The following C11orf98 variants were observed in gnomAD, a reference collection of about 807,000 sequenced individuals.
C11orf98 encodes 28S rRNA/ribosome and sororin micro-cofactor.
Under a neutral mutation model 10.9 loss-of-function variants are expected in C11orf98, and 7 were observed. The observed-to-expected ratio is 0.64, with a 90% CI of 0.37 to 1.21. The LOEUF (loss-of-function observed/expected upper bound fraction) is 1.21. Ranked by LOEUF, C11orf98 falls within the 50% of genes most tolerant of loss-of-function variation. C11orf98 has a pLI of 0.02. For missense variants in C11orf98, 181 were observed against 153.7 expected (o/e 1.18, Z -0.94); for synonymous variants, 70 against 57.2 (o/e 1.22, Z -1.01).
At position 62,665,122 on chromosome 11, in the gene C11orf98, C is replaced by T; in HGVS notation, c.39+9G>A. ...TGAGGAAACAAAGTCGCGGCCCCCA[C>T]ACAGTCACCGTTCGGGGCCGGTTGA... On this transcript the variant is annotated intron_variant, in intron 1 of 3. Coordinates refer to ENST00000524958, the MANE Select transcript of C11orf98 (RefSeq NM_001286086.2). 1 of 1,186,984 alleles carries T rather than the reference C, an allele frequency of 8.4e-7. No homozygotes were observed. The highest frequency in any genetic ancestry group is 1.2e-6 in the Non-Finnish European group (1 of 827,920). 73.5% of individuals were successfully genotyped at this position (1,186,984 alleles called of 1,614,324 possible).
Position 62,665,070 on chromosome 11 carries a change from T to C in C11orf98, c.39+61A>G, listed in dbSNP as rs1417692508. On this transcript the variant is annotated intron_variant, in intron 1 of 3. Transcript: ENST00000524958. ...CCGGCCCCTCACTGATCCCATCTCG[T>C]GCGAGATAAAAGGGCTCAGGAACGC... 3 of 1,552,184 alleles carry C rather than the reference T, an allele frequency of 1.9e-6. No individual in the cohort carries two copies. In the African/African-American group the frequency reaches 4.1e-5, roughly 21 times the overall value.
Position 62,664,936 on chromosome 11 carries a change from A to G in C11orf98, c.77T>C (p.Leu26Ser). The change falls in exon 2 of 4, where the codon TTG (leucine) becomes TCG (serine). Residue 26 changes from leucine (L) to serine (S), a missense_variant. Physicochemically the swap from Leu to Ser is moderately radical, Grantham distance 145. Transcript: ENST00000524958. Reference protein sequence around the residue: ...KKKLFKRRRVLNRERRLRHRV... With the variant: ...KKKLFKRRRVSNRERRLRHRV... ...GTGCCTCAGACGCCGCTCCCGATTC[A>G]ACACCCGCCGGCGTTTGAACAGCTT... is the stretch of plus-strand genomic sequence containing the variant. The G allele has an allele frequency of 6.2e-7, 1 of 1,608,672 alleles. No homozygotes were observed. The highest frequency in any genetic ancestry group is 1.3e-5 in the African/African-American group (1 of 74,940).
chr11:62,662,985 G>C lies in C11orf98; in HGVS notation c.*65C>G. On this transcript the variant is annotated 3_prime_UTR_variant, in exon 4 of 4. Transcript: ENST00000524958. ...GAAAAGGGGCCTTGCTTTTGTCAAA[G>C]TCCTCTGAAACAACCACTGAGTCTG... The C allele has an allele frequency of 1.5e-6, 2 of 1,299,412 alleles. No individual in the cohort carries two copies. The highest frequency in any genetic ancestry group is 2.2e-6 in the Non-Finnish European group (2 of 928,144). The allele number at this position is 1,299,412 out of a possible 1,614,324, so 80.5% of individuals were successfully genotyped here. A position where few individuals can be genotyped will look rare whatever the true frequency, so the allele number is the denominator to read the frequency against.
Position 62,665,174 on chromosome 11 carries a change from G to A in C11orf98, c.-5C>T, listed in dbSNP as rs1240417692. ...CTTTCCCCCCGGAGCTCCCATAGTC[G>A]CGATTCCACTCCAGTTCACGGTCCG... On this transcript the variant is annotated 5_prime_UTR_variant, in exon 1 of 4. Coordinates refer to ENST00000524958, the MANE Select transcript of C11orf98 (RefSeq NM_001286086.2). The A allele has an allele frequency of 5.9e-6, 5 of 852,822 alleles. No homozygotes were observed. The highest frequency in any genetic ancestry group is 4.2e-5 in the South Asian group (3 of 70,590). 52.8% of individuals were successfully genotyped at this position (852,822 alleles called of 1,614,324 possible).
In C11orf98 at chr11:62,665,195, G is replaced by A; in HGVS notation, c.-26C>T. On this transcript the variant is annotated 5_prime_UTR_variant, in exon 1 of 4. Coordinates refer to ENST00000524958, the MANE Select transcript of C11orf98 (RefSeq NM_001286086.2). ...AGTCGCGATTCCACTCCAGTTCACGGTCCGTACTTCCGCTCAGCGCCGGAT... is the reference window on the plus strand; with the variant it reads ...AGTCGCGATTCCACTCCAGTTCACGATCCGTACTTCCGCTCAGCGCCGGAT... The A allele has an allele frequency of 2.5e-6, 2 of 809,018 alleles. No individual in the cohort carries two copies. Among genetic ancestry groups the A allele is most frequent in the Non-Finnish European group, 2.1e-6 (1 of 482,092 alleles). The allele number at this position is 809,018 out of a possible 1,614,324, so 50.1% of individuals were successfully genotyped here. A position where few individuals can be genotyped will look rare whatever the true frequency, so the allele number is the denominator to read the frequency against.
In C11orf98 at chr11:62,662,864, C is replaced by A. The variant is rs541482879; in HGVS notation, c.*186G>T. The A allele has an allele frequency of 1.7e-5, 10 of 594,414 alleles. No homozygotes were observed. In the South Asian group the frequency reaches 2.1e-4, roughly 13 times the overall value. 36.8% of individuals were successfully genotyped at this position (594,414 alleles called of 1,614,324 possible). A position where few individuals can be genotyped will look rare whatever the true frequency, so the allele number is the denominator to read the frequency against. ...CAAATGGAGTTGACTGCTAGAGAGG[C>A]CCTTCTCCAATCTTTCTTCTGTACC... On this transcript the variant is annotated 3_prime_UTR_variant, in exon 4 of 4. Transcript: ENST00000524958.
Position 62,664,922 on chromosome 11 carries a change from G to A in C11orf98, c.91C>T (p.Arg31Cys). 2 of 1,604,222 alleles carry A rather than the reference G, an allele frequency of 1.2e-6. No individual in the cohort carries two copies. The highest frequency in any genetic ancestry group is 1.7e-6 in the Non-Finnish European group (2 of 1,175,740). Residue 31 changes from arginine to cysteine, a missense_variant, in exon 2 of 4, where the codon CGT (arginine) becomes TGT (cysteine). Physicochemically the swap from Arg to Cys is radical, Grantham distance 180. Transcript: ENST00000524958. ...KRRRVLNRERRLRHRVVGAVI... is the reference protein window; with the variant it reads ...KRRRVLNRERCLRHRVVGAVI... ...GCCCCGACCACCCGGTGCCTCAGAC[G>A]CCGCTCCCGATTCAACACCCGCCGG...
At chr11:62,663,488 C>T (rs1409315625) in intron 2 of C11orf98, among the ~76,000 whole-genome samples, 155 bp from the exon 3 acceptor site, 1 of 152,036 alleles carries the variant, frequency 6.6e-6, no homozygotes, top group African/African-American at 2.4e-5. Context: ...GGCTGGATCA[C>T]GAGGTCAGGA....
chr11:62,665,135 C>T lies in C11orf98; in HGVS notation c.35G>A (p.Arg12Gln), dbSNP rs773542054. The T allele has an allele frequency of 2.2e-5, 24 of 1,074,226 alleles. No individual in the cohort carries two copies. The South Asian group carries it at 2.3e-4, about 10-fold the overall frequency. The allele number at this position is 1,074,226 out of a possible 1,614,324, so 66.5% of individuals were successfully genotyped here. The change falls in exon 1 of 4, where the codon CGA (arginine) becomes CAA (glutamine). Residue 12 changes from arginine (R) to glutamine (Q), a missense_variant. Transcript: ENST00000524958. ...GAPGGKINRP[R>Q]TELKKKLFKR... is the part of the protein sequence containing the mutation. ...TCGCGGCCCCCACACAGTCACCGTT[C>T]GGGGCCGGTTGATCTTTCCCCCCGG...
intron 2 of C11orf98, among the ~76,000 whole-genome samples, chr11:62,663,586 CG>C (rs1944711600): frequency 1.3e-5 from 2 of 150,922 alleles, no homozygotes; most frequent in Admixed American, 6.6e-5. Flanking sequence ...CCCAGCTACT[CG>C]GGAGGCTGCG....
chr11:62,663,326 C>A lies in C11orf98; in HGVS notation c.172G>T (p.Ala58Ser). The change falls in exon 3 of 4, where the codon GCA becomes TCA. Residue 58 changes from alanine (A) to serine (S), a missense_variant. Coordinates refer to ENST00000524958, the MANE Select transcript of C11orf98 (RefSeq NM_001286086.2). ...CCTGACAGTGTAATGTTGGCACGTG[C>A]ACTGGACCTGATGGGTAAGTGGAAA... ...RHHLKKRASSARANITLSGKK... is the reference protein window; with the variant it reads ...RHHLKKRASSSRANITLSGKK... 1 of 1,613,932 alleles carries A rather than the reference C, an allele frequency of 6.2e-7. No homozygotes were observed. The highest frequency in any genetic ancestry group is 8.5e-7 in the Non-Finnish European group (1 of 1,179,914).
At chr11:62,664,698 T>TATCA in intron 2 of C11orf98, 151 bp downstream of exon 2, 1 of 1,022,028 alleles carries the variant, frequency 9.8e-7, no homozygotes, top group Non-Finnish European at 1.4e-6. Flanking sequence ...TGTGAGAGGC[T>TATCA]ATCAGAGCTT....
Position 62,664,706 on chromosome 11 carries a change from C to T in C11orf98, c.164+143G>A, listed in dbSNP as rs1944746758. On this transcript the variant is annotated intron_variant, in intron 2 of 3. Coordinates refer to ENST00000524958, the MANE Select transcript of C11orf98 (RefSeq NM_001286086.2). ...CAGGTATTGTGAGAGGCTATCAGAG[C>T]TTAGGAACTAACAGCCGACAGACAT... 8.1e-6 allele frequency: 9 copies of T among 1,117,218 alleles called. No individual in the cohort carries two copies. The Admixed American group carries it at 1.0e-4, about 13-fold the overall frequency. 69.2% of individuals were successfully genotyped at this position (1,117,218 alleles called of 1,614,324 possible). A position where few individuals can be genotyped will look rare whatever the true frequency, so the allele number is the denominator to read the frequency against.
rs775379917 is a variant in C11orf98 at position 62,664,910 on chromosome 11, G to T, written c.103C>A (p.Arg35=). The T allele has an allele frequency of 1.2e-6, 2 of 1,600,606 alleles. No individual in the cohort carries two copies. The highest frequency in any genetic ancestry group is 1.7e-6 in the Non-Finnish European group (2 of 1,173,934). Residue 35 remains arginine, a synonymous_variant, in exon 2 of 4, where the codon CGG becomes AGG. Coordinates refer to ENST00000524958, the MANE Select transcript of C11orf98 (RefSeq NM_001286086.2). ...TGGTCTATCACAGCCCCGACCACCCGGTGCCTCAGACGCCGCTCCCGATTC... is the reference window on the plus strand; with the variant it reads ...TGGTCTATCACAGCCCCGACCACCCTGTGCCTCAGACGCCGCTCCCGATTC... The part of the protein sequence containing the change: ...VLNRERRLRH[R]VVGAVIDQGL...
rs1030653893 is a variant in C11orf98, at chr11:62,663,291, G to A, written c.207C>T (p.Arg69=). The A allele has an allele frequency of 6.2e-7, 1 of 1,614,212 alleles. No individual in the cohort carries two copies. The highest frequency in any genetic ancestry group is 1.3e-5 in the African/African-American group (1 of 75,054). Residue 69 remains arginine, a synonymous_variant, in exon 3 of 4, where the codon CGC becomes CGT. Transcript: ENST00000524958. ...GCCGGATCTGCTGGAGGAGTTTTCT[G>A]CGCTTCTTCCCTGACAGTGTAATGT... The part of the protein sequence containing the change: ...RANITLSGKK[R]RKLLQQIRLA...
At position 62,663,241 on chromosome 11, in the gene C11orf98, A is replaced by G; in HGVS notation, c.257T>C (p.Met86Thr). The G allele has an allele frequency of 1.2e-6, 2 of 1,614,084 alleles. No homozygotes were observed. The highest frequency in any genetic ancestry group is 8.5e-7 in the Non-Finnish European group (1 of 1,179,996). The change falls in exon 3 of 4, where the codon ATG (methionine) becomes ACG (threonine). Residue 86 changes from methionine (M) to threonine (T), a missense_variant. Transcript: ENST00000524958. ...CACCTCTGTCCCAGCCTCACCTTCC[A>G]TGGCTGTCTTCTCTTTCTGGGCAAG... is the stretch of plus-strand genomic sequence containing the variant. ...IRLAQKEKTA[M>T]EVEAPSKPAR... is the part of the protein sequence containing the mutation.
chr11:62,663,258 C>T lies in C11orf98; in HGVS notation c.240G>A (p.Gln80=). 6.2e-7 allele frequency: 1 copy of T among 1,614,210 alleles called. No individual in the cohort carries two copies. The highest frequency in any genetic ancestry group is 1.1e-5 in the South Asian group (1 of 91,090). The change falls in exon 3 of 4, where the codon CAG becomes CAA. Residue 80 remains glutamine (Q), a synonymous_variant. Coordinates refer to ENST00000524958, the MANE Select transcript of C11orf98 (RefSeq NM_001286086.2). ...RKLLQQIRLA[Q]KEKTAMEVEA... is the part of the protein sequence containing the mutation. ...CACCTTCCATGGCTGTCTTCTCTTT[C>T]TGGGCAAGCCGGATCTGCTGGAGGA...
In C11orf98 at chr11:62,664,886, G is replaced by T. The variant is rs879188188; in HGVS notation, c.127C>A (p.Gln43Lys). The T allele has an allele frequency of 6.3e-7, 1 of 1,587,662 alleles. No homozygotes were observed. Among genetic ancestry groups the T allele is most frequent in the Non-Finnish European group, 8.6e-7 (1 of 1,167,202 alleles). The change falls in exon 2 of 4, where the codon CAA becomes AAA. Residue 43 changes from glutamine (Q) to lysine (K), a missense_variant. Gln to Lys is a moderately conservative substitution (Grantham distance 53, BLOSUM62 1). Coordinates refer to ENST00000524958, the MANE Select transcript of C11orf98 (RefSeq NM_001286086.2). ...AGGTGGTGCCGCGTGATCAGCCCTT[G>T]GTCTATCACAGCCCCGACCACCCGG... ...RHRVVGAVIDQGLITRHHLKK... is the reference protein window; with the variant it reads ...RHRVVGAVIDKGLITRHHLKK...
chr11:62,664,675 C>T (rs923860045), intron 2 of C11orf98, among the ~76,000 whole-genome samples, 174 bp downstream of exon 2: 1 of 152,116 alleles, frequency 6.6e-6, no homozygotes, highest in African/African-American at 2.4e-5. Flanking sequence ...GAAAGGTTGT[C>T]TGCTACAGGT....
Sources: gnomAD v4.1 joint callset for allele counts (sites outside exome capture counted in the v4.1 genomes callset) on GRCh38, gnomAD v4.1.1 for gene constraint, MANE v1.5 for transcripts, NCBI Gene and HGNC (gene_info 2026-07-23, HGNC 2026-07-21) for gene names.